The following CBLN2 variants were observed in gnomAD, a reference collection of about 807,000 sequenced individuals.
The protein encoded by CBLN2 is cerebellin 2 precursor.
CBLN2 carries 7 observed loss-of-function variants against 15.0 expected under a neutral mutation model. The observed-to-expected ratio is 0.47, with a 90% CI of 0.27 to 0.88. CBLN2 has a LOEUF of 0.88. Ranked by LOEUF, CBLN2 falls within the 40% of genes least tolerant of loss-of-function variation. The pLI, the probability that CBLN2 is intolerant of heterozygous loss-of-function variation, is 0.14. For synonymous variants in CBLN2, 149 were observed against 135.2 expected, an observed-to-expected ratio of 1.10 and a Z score of -0.71; for missense variants, 242 against 304.5, an observed-to-expected ratio of 0.79 and a Z score of 1.53.
At chr18:72,587,911 T>C (rs1045305304) in intron 1 of CBLN2, among the ~76,000 whole-genome samples, 5 of 152,230 alleles carry the variant, frequency 3.3e-5, no homozygotes, top group African/African-American at 1.2e-4. Flanking sequence ...TCCTTGCAAG[T>C]ATATACATTG....
At chr18:72,565,826 A>T (rs551237392) in intron 1 of CBLN2, among the ~76,000 whole-genome samples, 1 of 152,328 alleles carries the variant, frequency 6.6e-6, no homozygotes, top group African/African-American at 2.4e-5. Context: ...TTTACATTGA[A>T]CTCAAAAGCT....
chr18:72,606,907 C>T (rs150653638), intron 1 of CBLN2, among the ~76,000 whole-genome samples: 68 of 152,328 alleles, frequency 4.5e-4, no homozygotes, highest in African/African-American at 1.5e-3. Context: ...CTTTCATGCA[C>T]ACAGTATGTC....
At chr18:72,572,204 A>G (rs776471329) in intron 1 of CBLN2, among the ~76,000 whole-genome samples, 1 of 152,026 alleles carries the variant, frequency 6.6e-6, no homozygotes, top group African/African-American at 2.4e-5. Context: ...ATGTGGCTCA[A>G]CTGAGATTTT....
At chr18:72,588,744 A>C (rs542697977) in intron 1 of CBLN2, among the ~76,000 whole-genome samples, 3 of 152,328 alleles carry the variant, frequency 2.0e-5, no homozygotes, top group African/African-American at 7.2e-5. Context: ...TAGATCTTTA[A>C]AGGCTAGAAA....
chr18:72,594,437 T>C (rs2069500074), intron 1 of CBLN2, among the ~76,000 whole-genome samples: 1 of 151,172 alleles, frequency 6.6e-6, no homozygotes, highest in African/African-American at 2.4e-5. Flanking sequence ...TATTGTCCTG[T>C]AGTTCTCTTT....
chr18:72,636,058 A>G (rs1461286663), intron 1 of CBLN2, among the ~76,000 whole-genome samples: 1 of 152,148 alleles, frequency 6.6e-6, no homozygotes, highest in African/African-American at 2.4e-5. Context: ...CCTTTTCTTC[A>G]TTTTAGAAAT....
chr18:72,571,267 T>C (rs2069330611), intron 1 of CBLN2, among the ~76,000 whole-genome samples: 1 of 152,108 alleles, frequency 6.6e-6, no homozygotes, highest in Non-Finnish European at 1.5e-5. Context: ...ACTTAAGGAC[T>C]ATAAAATGAT....
intron 1 of CBLN2, among the ~76,000 whole-genome samples, chr18:72,597,543 G>A (rs537693415): frequency 1.3e-5 from 2 of 152,160 alleles, no homozygotes; most frequent in African/African-American, 4.8e-5. Context: ...CCATAGTCTA[G>A]CCACTGCCTA....
In CBLN2 at chr18:72,596,136, C is replaced by T. The variant is rs2069512236; in HGVS notation, c.15+42189G>A. ...TTCTTTCCTTCCAGTCTTCCTTTTA[C>T]TGAAGGTAATTTTCTGTTGTGTTTT... On this transcript the variant is annotated intron_variant, in intron 1 of 2. Coordinates refer to the CBLN2 transcript ENST00000581073. Among the ~76,000 whole-genome samples, 3 of 151,796 alleles carry T rather than the reference C, an allele frequency of 2.0e-5. No homozygotes were observed. The South Asian group carries it at 6.2e-4, about 31-fold the overall frequency.
At chr18:72,556,582 A>G (rs888204379) in intron 1 of CBLN2, among the ~76,000 whole-genome samples, 1 of 152,252 alleles carries the variant, frequency 6.6e-6, no homozygotes. Flanking sequence ...TGCTCAGCAT[A>G]AAACAGTCCT....
At chr18:72,563,168 A>G (rs551594325) in intron 1 of CBLN2, among the ~76,000 whole-genome samples, 3 of 152,356 alleles carry the variant, frequency 2.0e-5, no homozygotes, top group East Asian at 3.9e-4. Context: ...TTAAATCACA[A>G]TGGGGTAAAG....
In CBLN2 at chr18:72,537,937, A is replaced by T. The variant is rs1036909589; in HGVS notation, c.*239T>A. ...ACAAATTGCTCAAATCGATAATTTC[A>T]TTTCTCCTTAAGACCTTGTCATCTA... On this transcript the variant is annotated 3_prime_UTR_variant, in exon 5 of 5. Coordinates refer to ENST00000269503, the MANE Select transcript of CBLN2 (RefSeq NM_182511.4). 1 of 562,018 alleles carries T rather than the reference A, an allele frequency of 1.8e-6. No homozygotes were observed. Among genetic ancestry groups the T allele is most frequent in the East Asian group, 3.0e-5 (1 of 33,544 alleles). The allele number at this position is 562,018 out of a possible 1,614,324, so 34.8% of individuals were successfully genotyped here. A position where few individuals can be genotyped will look rare whatever the true frequency, so the allele number is the denominator to read the frequency against.
At chr18:72,550,001 C>A (rs896766033) in intron 1 of CBLN2, among the ~76,000 whole-genome samples, 19 of 152,124 alleles carry the variant, frequency 1.2e-4, no homozygotes, top group African/African-American at 4.6e-4. Context: ...TTTGGATCTG[C>A]TAAAAACTGG....
intron 1 of CBLN2, among the ~76,000 whole-genome samples, chr18:72,581,646 T>C (rs1401504313): frequency 2.6e-5 from 4 of 152,220 alleles, no homozygotes; most frequent in African/African-American, 9.6e-5. Context: ...AAATAAGTCT[T>C]TGTGATTACA....
intron 1 of CBLN2, among the ~76,000 whole-genome samples, chr18:72,568,040 G>A (rs1191421223): frequency 6.6e-6 from 1 of 152,050 alleles, no homozygotes; most frequent in Admixed American, 6.6e-5. Context: ...TCACTCAGAA[G>A]CTTTGATTTC....
At chr18:72,549,806 C>G (rs2069180641) in intron 1 of CBLN2, among the ~76,000 whole-genome samples, 1 of 152,096 alleles carries the variant, frequency 6.6e-6, no homozygotes, top group South Asian at 2.1e-4. Flanking sequence ...TAAGATTATT[C>G]TATCAGGGGT....
At chr18:72,607,232 G>C (rs7227011) in intron 1 of CBLN2, among the ~76,000 whole-genome samples, 32,390 of 151,990 alleles carry the variant, frequency 0.21, 5,473 homozygotes, top group African/African-American at 0.47. Context: ...GGATTTCCAG[G>C]CTCCAGAACT....
At chr18:72,619,616 A>G (rs902719157) in intron 1 of CBLN2, among the ~76,000 whole-genome samples, 2 of 152,188 alleles carry the variant, frequency 1.3e-5, no homozygotes, top group Non-Finnish European at 2.9e-5. Context: ...CTAAGATTCC[A>G]TCTTACCAGA....
intron 1 of CBLN2, among the ~76,000 whole-genome samples, chr18:72,609,543 C>T (rs1167076365): frequency 6.6e-6 from 1 of 152,164 alleles, no homozygotes; most frequent in East Asian, 1.9e-4. Context: ...TTAAACCACC[C>T]AGACTGTGGT....
Sources: allele counts gnomAD v4.1 joint callset (sites outside exome capture counted in the v4.1 genomes callset), GRCh38; gene constraint gnomAD v4.1.1; transcripts MANE v1.5; gene names NCBI Gene and HGNC (gene_info 2026-07-23, HGNC 2026-07-21).